The following TDRD9 variants were observed in gnomAD, a reference collection of about 807,000 sequenced individuals.
The protein encoded by TDRD9 is tudor domain containing 9, also known as ATP-dependent RNA helicase TDRD9.
Under a neutral mutation model 172.6 loss-of-function variants are expected in TDRD9, and 124 were observed. The observed-to-expected ratio is 0.72, with a 90% CI of 0.62 to 0.83. The LOEUF is 0.83. Ranked by LOEUF, TDRD9 falls within the 40% of genes least tolerant of loss-of-function variation. The pLI is 0.00. For synonymous variants in TDRD9, 619 were observed against 617.1 expected, an observed-to-expected ratio of 1.00 and a Z score of -0.05; for missense variants, 1,479 against 1,714.1, an observed-to-expected ratio of 0.86 and a Z score of 2.42.
At chr14:103,928,922 A>AG (rs1310571525) in intron 1 of TDRD9, 198 bp downstream of exon 1, 1 of 111,074 alleles carries the variant, frequency 9.0e-6, no homozygotes, top group Non-Finnish European at 1.7e-5. Context: ...GCTGAGCTAG[A>AG]GGTTTTTTTT....
intron 20 of TDRD9, chr14:104,013,617 A>C (rs1195254934): frequency 3.9e-5 from 6 of 152,222 alleles, no homozygotes; most frequent in Non-Finnish European, 7.3e-5. Context: ...TTACTTATTA[A>C]TTAATTTCTA....
chr14:104,010,538 AG>A (rs780028189), intron 20 of TDRD9, among the ~76,000 whole-genome samples: 4 of 149,998 alleles, frequency 2.7e-5, no homozygotes, highest in Non-Finnish European at 4.4e-5. Flanking sequence ...TACCTGCCTG[AG>A]ACTGTTTTAT....
At chr14:103,986,698 T>G (rs2033672321) in intron 8 of TDRD9, among the ~76,000 whole-genome samples, 1 of 152,256 alleles carries the variant, frequency 6.6e-6, no homozygotes, top group Non-Finnish European at 1.5e-5. Flanking sequence ...TAAAGACATA[T>G]TCTTGACCCT....
chr14:103,974,038 A>G (rs540703713), intron 6 of TDRD9, among the ~76,000 whole-genome samples: 33 of 152,214 alleles, frequency 2.2e-4, no homozygotes, highest in Non-Finnish European at 4.4e-4. Flanking sequence ...CCTCTACAAA[A>G]AACAGTCACA....
intron 1 of TDRD9, among the ~76,000 whole-genome samples, chr14:103,942,623 CT>C: frequency 6.6e-6 from 1 of 152,148 alleles, no homozygotes; most frequent in East Asian, 1.9e-4. Context: ...AGCCACGTTG[CT>C]TTTATTCTTC....
intron 1 of TDRD9, among the ~76,000 whole-genome samples, chr14:103,949,664 C>T (rs1331973357): frequency 2.0e-5 from 3 of 152,102 alleles, no homozygotes; most frequent in African/African-American, 7.2e-5. Context: ...AAGCTCTAAA[C>T]GCTGGCTTTG....
In TDRD9 at chr14:103,930,144, C is replaced by T. The variant is rs543736539; in HGVS notation, c.215+1420C>T. On this transcript the variant is annotated intron_variant, in intron 1 of 35. Transcript: ENST00000409874. The stretch of plus-strand genomic sequence containing the variant: ...GTCACTCTTGCTCAGTCCCCAAGTC[C>T]AGCACGCTTTACAGTTGAGAAGGTG... 8.5e-5 allele frequency among the ~76,000 whole-genome samples: 13 copies of T among 152,172 alleles called. No individual in the cohort carries two copies. The East Asian group carries it at 1.7e-3, about 20-fold the overall frequency.
At chr14:104,030,371 A>G (rs1432547040) in intron 28 of TDRD9, among the ~76,000 whole-genome samples, 1 of 152,134 alleles carries the variant, frequency 6.6e-6, no homozygotes, top group Non-Finnish European at 1.5e-5. Context: ...GGGCACCTGT[A>G]ATCATACTAC....
At position 103,970,570 on chromosome 14, in the gene TDRD9, C is replaced by T. The variant is rs1439058280; in HGVS notation, c.795C>T (p.Phe265=). The T allele has an allele frequency of 5.2e-6, 8 of 1,551,676 alleles. No individual in the cohort carries two copies. The highest frequency in any genetic ancestry group is 4.4e-6 in the Non-Finnish European group (5 of 1,146,938). Residue 265 remains phenylalanine, a synonymous_variant, in exon 6 of 36, where the codon TTC becomes TTT. Coordinates refer to ENST00000409874, the MANE Select transcript of TDRD9 (RefSeq NM_153046.3). ...EVHERTEEMD[F]LLLVVRKLLR... ...ACGAACGAACAGAAGAAATGGATTT[C>T]CTGCTATTGGTAGTCCGCAAACTCT...
In TDRD9 at chr14:104,006,679, T is replaced by C; in HGVS notation, c.1913T>C (p.Met638Thr). 7.4e-6 allele frequency: 12 copies of C among 1,613,972 alleles called. No homozygotes were observed. The highest frequency in any genetic ancestry group is 1.0e-5 in the Non-Finnish European group (12 of 1,179,860). Reference protein sequence around the residue: ...AALSLKNFFAMPFRQHLDGYR... With the variant: ...AALSLKNFFATPFRQHLDGYR... Reference sequence around the variant, plus strand: ...CTTTCTTTGAAGAATTTTTTTGCAATGCCTTTCCGGCAGCATCTCGATGGA... The same window carrying C: ...CTTTCTTTGAAGAATTTTTTTGCAACGCCTTTCCGGCAGCATCTCGATGGA... Residue 638 changes from methionine (M) to threonine (T), a missense_variant, in exon 17 of 36, where the codon ATG becomes ACG. Met to Thr is a moderately conservative substitution (Grantham distance 81). Transcript: ENST00000409874.
intron 19 of TDRD9, among the ~76,000 whole-genome samples, chr14:104,007,863 T>C (rs573790914): frequency 1.3e-5 from 2 of 152,220 alleles, no homozygotes; most frequent in South Asian, 2.1e-4. Context: ...CTGCAAGCTC[T>C]GTCTCCTGGG....
intron 33 of TDRD9, 138 bp downstream of exon 33, chr14:104,040,472 T>C: frequency 1.0e-6 from 1 of 973,658 alleles, no homozygotes; most frequent in Non-Finnish European, 1.4e-6. Context: ...ACGTTCCTTG[T>C]CCCTCCTGGA....
In TDRD9 at chr14:104,005,351, C is replaced by T. The variant is rs764177727; in HGVS notation, c.1659C>T (p.Ala553=). Reference sequence around the variant, plus strand: ...AGCCGAGAGCTCTGCTGGCCACTGCCCTTTCCCCGCCTGGTCTGAGTGACA... The same window carrying T: ...AGCCGAGAGCTCTGCTGGCCACTGCTCTTTCCCCGCCTGGTCTGAGTGACA... ...MGEPRALLAT[A]LSPPGLSDIE... Residue 553 remains alanine, a synonymous_variant, in exon 15 of 36, where the codon GCC becomes GCT. Coordinates refer to ENST00000409874, the MANE Select transcript of TDRD9 (RefSeq NM_153046.3). 6.2e-7 allele frequency: 1 copy of T among 1,613,950 alleles called. No homozygotes were observed. The highest frequency in any genetic ancestry group is 8.5e-7 in the Non-Finnish European group (1 of 1,179,868).
intron 34 of TDRD9, among the ~76,000 whole-genome samples, chr14:104,047,479 C>T (rs2035813710): frequency 6.6e-6 from 1 of 152,120 alleles, no homozygotes. Context: ...AATATAGCTA[C>T]CCCAGCTCTC....
At chr14:103,938,294 T>G (rs1015701884) in intron 1 of TDRD9, among the ~76,000 whole-genome samples, 1 of 151,402 alleles carries the variant, frequency 6.6e-6, no homozygotes, top group Non-Finnish European at 1.5e-5. Flanking sequence ...CCTAGCTAAA[T>G]ATTGTAGCTC....
At chr14:103,965,575 G>C in intron 4 of TDRD9, 21 bp downstream of exon 4, 1 of 1,512,070 alleles carries the variant, frequency 6.6e-7, no homozygotes, top group Admixed American at 2.0e-5. Context: ...GAGGGAGGGA[G>C]GGACTAAGAG....
intron 5 of TDRD9, among the ~76,000 whole-genome samples, chr14:103,969,847 T>C (rs2032941742): frequency 6.6e-6 from 1 of 151,788 alleles, no homozygotes; most frequent in Admixed American, 6.6e-5. Flanking sequence ...CTGTGGGTCC[T>C]GGGGTGGCTC....
chr14:104,034,436 C>T (rs12590854), intron 31 of TDRD9, among the ~76,000 whole-genome samples: 39,669 of 152,034 alleles, frequency 0.26, 5,653 homozygotes, highest in Non-Finnish European at 0.33. Flanking sequence ...GTGATCCACC[C>T]GCCTTGGCCT....
chr14:103,999,487 G>T (rs939981540), intron 13 of TDRD9, among the ~76,000 whole-genome samples: 4 of 152,114 alleles, frequency 2.6e-5, no homozygotes, highest in Non-Finnish European at 5.9e-5. Flanking sequence ...GGTGTGTGGG[G>T]TCACTTTTGG....
Sources: allele counts gnomAD v4.1 joint callset (sites outside exome capture counted in the v4.1 genomes callset), GRCh38; gene constraint gnomAD v4.1.1; transcripts MANE v1.5; gene names NCBI Gene and HGNC (gene_info 2026-07-23, HGNC 2026-07-21).